DLG2: variants seen among roughly 807,000 people sequenced by gnomAD.
The protein encoded by DLG2 is disks large homolog 2.
Under a neutral mutation model 132.5 loss-of-function variants are expected in DLG2, and 45 were observed. The observed-to-expected ratio is 0.34, with a 90% CI of 0.27 to 0.44. The LOEUF is 0.44. DLG2 is among the 20% of genes least tolerant of loss of function. The pLI, the probability that DLG2 is intolerant of heterozygous loss-of-function variation, is 1.00. For synonymous variants in DLG2, 424 were observed against 419.6 expected (o/e 1.01, Z -0.13); for missense variants, 1,045 against 1,196.9 (o/e 0.87, Z 1.87).
At chr11:83,649,638 A>G (rs1392758767) in intron 18 of DLG2, among the ~76,000 whole-genome samples, 3 of 152,178 alleles carry the variant, frequency 2.0e-5, no homozygotes, top group African/African-American at 7.2e-5. Flanking sequence ...GCTCTGTTTT[A>G]CATCGAAAGT....
At chr11:83,828,462 G>C (rs972492308) in intron 17 of DLG2, among the ~76,000 whole-genome samples, 3 of 152,284 alleles carry the variant, frequency 2.0e-5, no homozygotes, top group Non-Finnish European at 4.4e-5. Context: ...CTTATGTAAG[G>C]GTTTGGTGGT....
intron 12 of DLG2, among the ~76,000 whole-genome samples, chr11:83,970,570 G>A (rs375226882): frequency 7.9e-5 from 12 of 152,292 alleles, no homozygotes; most frequent in East Asian, 7.7e-4. Context: ...TTTGAGTCAC[G>A]CATACTGAAG....
intron 2 of DLG2, among the ~76,000 whole-genome samples, chr11:85,603,176 C>T (rs2080287750): frequency 6.6e-6 from 1 of 152,150 alleles, no homozygotes; most frequent in African/African-American, 2.4e-5. Flanking sequence ...AAAATGATTT[C>T]ACACTTTACT....
At chr11:84,784,010 G>T (rs2072318991) in intron 6 of DLG2, among the ~76,000 whole-genome samples, 1 of 151,224 alleles carries the variant, frequency 6.6e-6, no homozygotes, top group African/African-American at 2.4e-5. Context: ...TAAAAATAAG[G>T]GTATAGGCTG....
chr11:84,950,617 T>TA (rs2050789600), intron 6 of DLG2, among the ~76,000 whole-genome samples: 1 of 152,178 alleles, frequency 6.6e-6, no homozygotes, highest in Non-Finnish European at 1.5e-5. Flanking sequence ...ATTGATTATA[T>TA]AGGGTGAATA....
chr11:85,399,531 T>G (rs548398433), intron 3 of DLG2, among the ~76,000 whole-genome samples: 1 of 152,072 alleles, frequency 6.6e-6, no homozygotes, highest in Non-Finnish European at 1.5e-5. Context: ...CTTCAAACTA[T>G]ACTACAAGGC....
intron 6 of DLG2, among the ~76,000 whole-genome samples, chr11:85,000,338 C>A (rs189673303): frequency 1.3e-5 from 2 of 152,246 alleles, no homozygotes; most frequent in East Asian, 3.9e-4. Flanking sequence ...GGTATTTAAT[C>A]CACTAACGTA....
intron 4 of DLG2, among the ~76,000 whole-genome samples, chr11:85,166,035 C>G (rs964616277): frequency 1.3e-5 from 2 of 152,118 alleles, no homozygotes; most frequent in Admixed American, 1.3e-4. Context: ...TCAGCGCCAC[C>G]CAGAGATTTG....
In DLG2 at chr11:85,396,358, G is replaced by A. The variant is rs183382918; in HGVS notation, c.41-110993C>T. Among the ~76,000 whole-genome samples the A allele has an allele frequency of 1.4e-4, 21 of 152,158 alleles. 1 individual carries two copies. The highest frequency in any genetic ancestry group is 4.1e-4 in the African/African-American group (17 of 41,532). On this transcript the variant is annotated intron_variant, in intron 3 of 27. Coordinates refer to ENST00000376104, the MANE Select transcript of DLG2 (RefSeq NM_001142699.3). ...AAAAGCTGAAATTCCAAAAAAGAGA[G>A]CACCTCTTTTCCTCCAAAGGATCAC...
At chr11:83,772,473 G>T (rs372816590) in intron 18 of DLG2, among the ~76,000 whole-genome samples, 1 of 140,780 alleles carries the variant, frequency 7.1e-6, no homozygotes, top group Admixed American at 7.3e-5. Flanking sequence ...AGGGAGGAAG[G>T]AAGGAAGGAA....
chr11:83,663,991 C>A (rs2074967421), intron 18 of DLG2, among the ~76,000 whole-genome samples: 1 of 152,208 alleles, frequency 6.6e-6, no homozygotes, highest in African/African-American at 2.4e-5. Context: ...CTGATACTTA[C>A]TAGACGTGAA....
chr11:84,125,883 A>T (rs1401293371), intron 9 of DLG2, among the ~76,000 whole-genome samples: 1 of 152,256 alleles, frequency 6.6e-6, no homozygotes, highest in Non-Finnish European at 1.5e-5. Flanking sequence ...CAGTGTGATT[A>T]TGGAGTAATA....
chr11:84,440,267 G>T (rs2154477178), intron 7 of DLG2, among the ~76,000 whole-genome samples: 1 of 152,170 alleles, frequency 6.6e-6, no homozygotes, highest in East Asian at 1.9e-4. Context: ...GTGCAGTTAG[G>T]ACTCGTGTTC....
chr11:84,772,049 A>G (rs758585100), intron 6 of DLG2, among the ~76,000 whole-genome samples: 2 of 152,182 alleles, frequency 1.3e-5, no homozygotes, highest in Admixed American at 6.5e-5. Flanking sequence ...AGGCTCAATC[A>G]AAGAGTTGGA....
At chr11:84,687,419 A>G (rs1183784998) in intron 6 of DLG2, 7 of 152,184 alleles carry the variant, frequency 4.6e-5, no homozygotes, top group Admixed American at 4.6e-4. Flanking sequence ...TACAGCCTTG[A>G]TAGAATACCT....
intron 5 of DLG2, among the ~76,000 whole-genome samples, chr11:85,153,454 C>A (rs1170609096): frequency 2.0e-5 from 3 of 152,146 alleles, no homozygotes; most frequent in African/African-American, 4.8e-5. Flanking sequence ...TCAATTATTT[C>A]TTTAAGATTC....
intron 3 of DLG2, among the ~76,000 whole-genome samples, chr11:85,381,336 G>C (rs768467610): frequency 2.4e-4 from 37 of 152,280 alleles, no homozygotes; most frequent in Non-Finnish European, 4.3e-4. Flanking sequence ...CTGTATAACA[G>C]ATCCAGCCTC....
At chr11:83,639,194 C>T (rs1256821731) in intron 18 of DLG2, among the ~76,000 whole-genome samples, 1 of 152,160 alleles carries the variant, frequency 6.6e-6, no homozygotes, top group Non-Finnish European at 1.5e-5. Flanking sequence ...GCCTGCCCTC[C>T]CCCTTTCCCA....
intron 11 of DLG2, among the ~76,000 whole-genome samples, chr11:84,041,011 G>C (rs966288355): frequency 6.6e-6 from 1 of 151,246 alleles, no homozygotes; most frequent in African/African-American, 2.4e-5. Flanking sequence ...CTCATGATTT[G>C]GCTCTCTGTT....
Sources: allele counts gnomAD v4.1 joint callset (sites outside exome capture counted in the v4.1 genomes callset), GRCh38; gene constraint gnomAD v4.1.1; transcripts MANE v1.5; gene names NCBI Gene and HGNC (gene_info 2026-07-23, HGNC 2026-07-21).